Variants in DPP10 observed in about 807,000 individuals in gnomAD.
The protein encoded by DPP10 is dipeptidyl peptidase like 10.
In DPP10, 33 loss-of-function variants were observed where a neutral mutation model predicts 120.9. The observed-to-expected ratio is 0.27, with a 90% CI of 0.21 to 0.37. DPP10 has a LOEUF of 0.37. Among genes scored for constraint, DPP10 ranks in the 10% least tolerant of loss-of-function variants. The pLI, the probability that DPP10 is intolerant of heterozygous loss-of-function variation, is 1.00. For missense variants in DPP10, 816 were observed against 942.8 expected, an observed-to-expected ratio of 0.87 and a Z score of 1.76; for synonymous variants, 337 against 326.1, an observed-to-expected ratio of 1.03 and a Z score of -0.36.
chr2:115,534,088 TTTA>T (rs2078643586), intron 5 of DPP10, among the ~76,000 whole-genome samples: 2 of 141,280 alleles, frequency 1.4e-5, no homozygotes, highest in African/African-American at 3.0e-5. Flanking sequence ...ACAACACACT[TTTA>T]TTTATTTTTT....
chr2:114,531,900 C>G (rs1686021468), intron 1 of DPP10, among the ~76,000 whole-genome samples: 1 of 151,868 alleles, frequency 6.6e-6, no homozygotes, highest in Non-Finnish European at 1.5e-5. Context: ...GAGGATGTTT[C>G]TGGAAGAGAC....
At position 114,449,892 on chromosome 2, in the gene DPP10, G is replaced by A. The variant is rs182746028; in HGVS notation, c.60+7054G>A. ...AAAATTCATTTTGAAGTCACCCGGGGGATGAAAATTATCTTCTAATATTGT... is the reference window on the plus strand; with the variant it reads ...AAAATTCATTTTGAAGTCACCCGGGAGATGAAAATTATCTTCTAATATTGT... On this transcript the variant is annotated intron_variant, in intron 1 of 25. Coordinates refer to ENST00000410059, the MANE Select transcript of DPP10 (RefSeq NM_020868.6). Among the ~76,000 whole-genome samples, 322 of 152,006 alleles carry A rather than the reference G, an allele frequency of 2.1e-3. 1 individual carries two copies. The highest frequency in any genetic ancestry group is 3.9e-3 in the Non-Finnish European group (265 of 67,926).
chr2:114,778,889 C>A (rs561987647), intron 1 of DPP10, among the ~76,000 whole-genome samples: 1 of 151,974 alleles, frequency 6.6e-6, no homozygotes, highest in Admixed American at 6.6e-5. Flanking sequence ...AAAGACAAAG[C>A]GCAACTTAAT....
intron 1 of DPP10, among the ~76,000 whole-genome samples, chr2:115,083,399 A>G (rs1708433827): frequency 6.6e-6 from 1 of 152,218 alleles, no homozygotes; most frequent in African/African-American, 2.4e-5. Flanking sequence ...AAAGTATGTA[A>G]CTGCGTTCTT....
chr2:114,655,886 A>T (rs192797139), intron 1 of DPP10, among the ~76,000 whole-genome samples: 1 of 152,244 alleles, frequency 6.6e-6, no homozygotes, highest in Non-Finnish European at 1.5e-5. Flanking sequence ...GATTCTGCCG[A>T]GAGTGGGACC....
intron 2 of DPP10, chr2:115,342,090 G>A (rs2063475383): frequency 2.2e-6 from 1 of 449,166 alleles, no homozygotes; most frequent in African/African-American, 2.0e-5. Flanking sequence ...GTCATTTTAT[G>A]TTTAAGTGAG....
intron 1 of DPP10, among the ~76,000 whole-genome samples, chr2:114,898,428 A>G (rs978063918): frequency 6.6e-6 from 1 of 152,054 alleles, no homozygotes; most frequent in African/African-American, 2.4e-5. Context: ...CAGCACACCA[A>G]CATGGCACAT....
chr2:114,566,124 G>A (rs35463802), intron 1 of DPP10, among the ~76,000 whole-genome samples: 1 of 151,990 alleles, frequency 6.6e-6, no homozygotes, highest in African/African-American at 2.4e-5. Flanking sequence ...AGGGGTTCAG[G>A]TTCAATTATC....
At position 115,585,069 on chromosome 2, in the gene DPP10, C is replaced by A. The variant is rs185495726; in HGVS notation, c.441+59097C>A. Reference sequence around the variant, plus strand: ...GCTGGCGAAGTTATAGTAGCAATAACCTTATTACAGGGTAACTATTATGTG... The same window carrying A: ...GCTGGCGAAGTTATAGTAGCAATAAACTTATTACAGGGTAACTATTATGTG... On this transcript the variant is annotated intron_variant, in intron 5 of 25. Transcript: ENST00000410059. Among the ~76,000 whole-genome samples the A allele has an allele frequency of 1.8e-3, 278 of 152,180 alleles. 5 individuals are homozygous for A. The highest frequency in any genetic ancestry group is 0.016 in the Admixed American group (248 of 15,282).
intron 1 of DPP10, among the ~76,000 whole-genome samples, chr2:115,150,430 A>C (rs540463909): frequency 6.6e-6 from 1 of 152,248 alleles, no homozygotes; most frequent in Non-Finnish European, 1.5e-5. Context: ...AGAACATCTC[A>C]TAATTACTCA....
Position 115,017,883 on chromosome 2 carries a change from T to A in DPP10, c.61-291356T>A, listed in dbSNP as rs927332393. Among the ~76,000 whole-genome samples the A allele has an allele frequency of 2.0e-5, 3 of 151,726 alleles. No individual in the cohort carries two copies. In the South Asian group the frequency reaches 6.2e-4, roughly 32 times the overall value. ...TGGGGGGAGTGGGGAGGGATAGCAT[T>A]AGGAGATATACCTAATGTAAATGAC... On this transcript the variant is annotated intron_variant, in intron 1 of 25. Coordinates refer to ENST00000410059, the MANE Select transcript of DPP10 (RefSeq NM_020868.6).
At chr2:114,716,814 A>G (rs1182074268) in intron 1 of DPP10, among the ~76,000 whole-genome samples, 3 of 152,238 alleles carry the variant, frequency 2.0e-5, no homozygotes, top group African/African-American at 7.2e-5. Context: ...ATAGTATTTT[A>G]GAAGTGTAAG....
At chr2:115,165,749 A>G (rs1341221269) in intron 1 of DPP10, among the ~76,000 whole-genome samples, 2 of 152,160 alleles carry the variant, frequency 1.3e-5, no homozygotes, top group Non-Finnish European at 2.9e-5. Flanking sequence ...GTGGGTAAAA[A>G]TATTGCCTAA....
rs1294225367 is a variant in DPP10 at position 115,382,088 on chromosome 2, AGTTGG to A, written c.271+38177_271+38181del. Among the ~76,000 whole-genome samples the A allele has an allele frequency of 2.2e-4, 33 of 150,480 alleles. No individual in the cohort carries two copies. The South Asian group carries it at 4.4e-3, about 20-fold the overall frequency. On this transcript the variant is annotated intron_variant, in intron 3 of 25. Transcript: ENST00000410059. The stretch of plus-strand genomic sequence containing the variant: ...AGCTGTGGTGGGCTCCACCCAGTTC[AGTTGG>A]AGCTTCCCGGCTGCTTTGTTTACCT...
At chr2:114,793,082 A>G (rs1448900453) in intron 1 of DPP10, among the ~76,000 whole-genome samples, 1 of 150,690 alleles carries the variant, frequency 6.6e-6, no homozygotes, top group Non-Finnish European at 1.5e-5. Context: ...CAGTTTTATC[A>G]GTAGAAGCCC....
At chr2:115,434,271 A>G (rs1286750730) in intron 3 of DPP10, among the ~76,000 whole-genome samples, 1 of 152,006 alleles carries the variant, frequency 6.6e-6, no homozygotes. Flanking sequence ...AATTAGTTCA[A>G]TCTTCATTAC....
intron 1 of DPP10, among the ~76,000 whole-genome samples, chr2:115,048,074 T>C (rs1705197855): frequency 6.6e-6 from 1 of 152,160 alleles, no homozygotes; most frequent in Non-Finnish European, 1.5e-5. Context: ...TGTAAAGTCA[T>C]GGAGGACTGG....
At chr2:115,665,755 T>G (rs547280791) in intron 5 of DPP10, among the ~76,000 whole-genome samples, 7 of 152,332 alleles carry the variant, frequency 4.6e-5, no homozygotes, top group African/African-American at 1.7e-4. Flanking sequence ...GTATTTTAAT[T>G]TGAGTAATTT....
chr2:115,409,608 C>T (rs779219954), intron 3 of DPP10, among the ~76,000 whole-genome samples: 2 of 152,138 alleles, frequency 1.3e-5, no homozygotes, highest in Non-Finnish European at 2.9e-5. Flanking sequence ...TATAGAGATT[C>T]TTTAAAGAAC....
Sources: allele counts gnomAD v4.1 joint callset (sites outside exome capture counted in the v4.1 genomes callset), GRCh38; gene constraint gnomAD v4.1.1; transcripts MANE v1.5; gene names NCBI Gene and HGNC (gene_info 2026-07-23, HGNC 2026-07-21).